ASTN1: variants seen among roughly 807,000 people sequenced by gnomAD.
ASTN1 encodes astrotactin 1, also known as astrotactin-1.
Under a neutral mutation model 140.7 loss-of-function variants are expected in ASTN1, and 41 were observed. The observed-to-expected ratio is 0.29, with a 90% CI of 0.23 to 0.38. ASTN1 has a LOEUF of 0.38. ASTN1 is among the 10% of genes least tolerant of loss of function. ASTN1 has a pLI of 1.00. For synonymous variants in ASTN1, 640 were observed against 652.2 expected (o/e 0.98, Z 0.29); for missense variants, 1,479 against 1,678.8 (o/e 0.88, Z 2.08).
rs1384665406 is a variant in ASTN1 at position 176,863,338 on chromosome 1, C to T, written c.*946G>A. ...TTGACCCCTCCTGGTCCCAATCAGACATCGGCCAAGCCTTACCTGTCCAAG... is the reference window on the plus strand; with the variant it reads ...TTGACCCCTCCTGGTCCCAATCAGATATCGGCCAAGCCTTACCTGTCCAAG... On this transcript the variant is annotated 3_prime_UTR_variant, in exon 23 of 23. Coordinates refer to ENST00000361833, the MANE Select transcript of ASTN1 (RefSeq NM_004319.3). 2.0e-6 allele frequency: 2 copies of T among 985,760 alleles called. No homozygotes were observed. Among genetic ancestry groups the T allele is most frequent in the Non-Finnish European group, 1.2e-6 (1 of 829,968 alleles). 61.1% of individuals were successfully genotyped at this position (985,760 alleles called of 1,614,324 possible).
rs562683201 is a variant in ASTN1 at position 177,149,257 on chromosome 1, AAT to A, written c.283+15135_283+15136del. ...AAATATATATATACTATATATAGTAAATATATATATACTATATATAGTAAATA... is the reference window on the plus strand; with the variant it reads ...AAATATATATATACTATATATAGTAAATATATATACTATATATAGTAAATA... On this transcript the variant is annotated intron_variant, in intron 1 of 22. Coordinates refer to ENST00000361833, the MANE Select transcript of ASTN1 (RefSeq NM_004319.3). Among the ~76,000 whole-genome samples, 17 of 98,834 alleles carry A rather than the reference AAT, an allele frequency of 1.7e-4. 2 individuals are homozygous for A. The highest frequency in any genetic ancestry group is 1.1e-3 in the East Asian group (4 of 3,576). The allele number at this position is 98,834 out of a possible 152,430, so 64.8% of individuals were successfully genotyped here.
intron 21 of ASTN1, among the ~76,000 whole-genome samples, chr1:176,873,032 G>A (rs1298001327): frequency 1.3e-5 from 2 of 152,168 alleles, no homozygotes; most frequent in African/African-American, 4.8e-5. Context: ...ATTTAGTAAG[G>A]GCTTAATGTG....
At chr1:176,986,863 A>G (rs1330817337) in intron 8 of ASTN1, among the ~76,000 whole-genome samples, 2 of 152,218 alleles carry the variant, frequency 1.3e-5, no homozygotes, top group Non-Finnish European at 2.9e-5. Flanking sequence ...TGGCAGGCAC[A>G]TGTTAAGTAC....
chr1:177,106,987 G>C (rs1680575017), intron 1 of ASTN1, among the ~76,000 whole-genome samples: 1 of 152,174 alleles, frequency 6.6e-6, no homozygotes, highest in Non-Finnish European at 1.5e-5. Flanking sequence ...AATAGCAGAT[G>C]GCAGGCCATG....
At chr1:177,047,741 G>A (rs988867161) in intron 2 of ASTN1, among the ~76,000 whole-genome samples, 2 of 152,152 alleles carry the variant, frequency 1.3e-5, no homozygotes, top group Non-Finnish European at 1.5e-5. Context: ...TGGTGAAAAG[G>A]AAGGCACAAG....
chr1:177,152,213 G>C (rs1683071031), intron 1 of ASTN1, among the ~76,000 whole-genome samples: 1 of 152,096 alleles, frequency 6.6e-6, no homozygotes, highest in Non-Finnish European at 1.5e-5. Context: ...AACTCCAAAA[G>C]ATGCTACATG....
chr1:177,071,700 A>G (rs183347028), intron 1 of ASTN1, among the ~76,000 whole-genome samples: 7,664 of 152,264 alleles, frequency 0.05, 251 homozygotes, highest in South Asian at 0.12. Flanking sequence ...AAAAGTGGGC[A>G]TAAGTGACCT....
At chr1:176,950,909 C>T (rs899739991) in intron 11 of ASTN1, among the ~76,000 whole-genome samples, 3 of 152,130 alleles carry the variant, frequency 2.0e-5, no homozygotes, top group Non-Finnish European at 2.9e-5. Flanking sequence ...GCCTGGTTTG[C>T]ACTTTCTCTT....
At chr1:176,989,021 A>G (rs1260685213) in intron 8 of ASTN1, among the ~76,000 whole-genome samples, 1 of 152,234 alleles carries the variant, frequency 6.6e-6, no homozygotes, top group Non-Finnish European at 1.5e-5. Flanking sequence ...ACTGTTGACA[A>G]TTATCCAGGT....
chr1:176,915,034 T>G (rs1670422333), intron 16 of ASTN1, among the ~76,000 whole-genome samples: 1 of 152,214 alleles, frequency 6.6e-6, no homozygotes, highest in African/African-American at 2.4e-5. Flanking sequence ...TGGGAAAATC[T>G]AAGTTAAAAT....
chr1:177,067,921 T>C (rs193092850), intron 1 of ASTN1, among the ~76,000 whole-genome samples: 1 of 152,152 alleles, frequency 6.6e-6, no homozygotes, highest in East Asian at 1.9e-4. Flanking sequence ...TGGCTGAGCC[T>C]CCATGCCTCT....
chr1:176,999,311 A>G (rs1211269521), intron 8 of ASTN1, among the ~76,000 whole-genome samples: 1 of 152,160 alleles, frequency 6.6e-6, no homozygotes, highest in African/African-American at 2.4e-5. Flanking sequence ...ACAAAATCCC[A>G]AGCTAGGGCC....
chr1:177,041,711 A>G (rs550341055), intron 2 of ASTN1, among the ~76,000 whole-genome samples: 1 of 152,384 alleles, frequency 6.6e-6, no homozygotes, highest in Non-Finnish European at 1.5e-5. Flanking sequence ...TTGAACAAGT[A>G]ACGGAAGAGG....
intron 7 of ASTN1, among the ~76,000 whole-genome samples, chr1:177,016,655 G>A (rs940865692): frequency 2.0e-5 from 3 of 152,140 alleles, no homozygotes; most frequent in Non-Finnish European, 2.9e-5. Context: ...AAGAAAGCAC[G>A]GATGCTAGAC....
At chr1:176,952,874 T>C (rs900650981) in intron 11 of ASTN1, among the ~76,000 whole-genome samples, 1 of 152,182 alleles carries the variant, frequency 6.6e-6, no homozygotes, top group Non-Finnish European at 1.5e-5. Context: ...GGTCATATAT[T>C]AACCCTTCTT....
chr1:176,968,203 A>G (rs867593198), intron 8 of ASTN1, among the ~76,000 whole-genome samples: 10 of 152,350 alleles, frequency 6.6e-5, no homozygotes, highest in African/African-American at 2.4e-4. Flanking sequence ...GGAACTAGCT[A>G]ATGTAATTAA....
intron 22 of ASTN1, among the ~76,000 whole-genome samples, chr1:176,868,053 T>G (rs913791293): frequency 6.6e-6 from 1 of 152,174 alleles, no homozygotes; most frequent in Non-Finnish European, 1.5e-5. Flanking sequence ...CTATTTTTAT[T>G]TTTTCTTCAT....
intron 2 of ASTN1, 77 bp downstream of exon 2, chr1:177,061,001 T>C: frequency 7.7e-7 from 1 of 1,295,436 alleles, no homozygotes; most frequent in Non-Finnish European, 1.0e-6. Context: ...GATAGAGTGA[T>C]ATCTATAATA....
chr1:176,973,048 T>C (rs1183782143), intron 8 of ASTN1, among the ~76,000 whole-genome samples: 3 of 152,152 alleles, frequency 2.0e-5, no homozygotes, highest in Non-Finnish European at 2.9e-5. Flanking sequence ...GTAACTTAAA[T>C]ATTCACCAAG....
Sources: allele counts gnomAD v4.1 joint callset (sites outside exome capture counted in the v4.1 genomes callset), GRCh38; gene constraint gnomAD v4.1.1; transcripts MANE v1.5; gene names NCBI Gene and HGNC (gene_info 2026-07-23, HGNC 2026-07-21).